Variants in SLC9B1 observed in about 807,000 individuals in gnomAD.
The protein encoded by SLC9B1 is solute carrier family 9 member B1.
SLC9B1 carries 32 observed loss-of-function variants against 51.7 expected under a neutral mutation model. The observed-to-expected ratio is 0.62, with a 90% CI of 0.47 to 0.83. The LOEUF (loss-of-function observed/expected upper bound fraction) is 0.83. Ranked by LOEUF, SLC9B1 falls within the 40% of genes least tolerant of loss-of-function variation. The pLI is 0.00. For synonymous variants in SLC9B1, 145 were observed against 212.7 expected, an observed-to-expected ratio of 0.68 and a Z score of 2.77; for missense variants, 406 against 613.2, an observed-to-expected ratio of 0.66 and a Z score of 3.57.
intron 11 of SLC9B1, chr4:102,892,562 A>C (rs1162108806): frequency 6.6e-6 from 1 of 152,210 alleles, no homozygotes; most frequent in African/African-American, 2.4e-5. Flanking sequence ...CCTTTGGTTT[A>C]AATGCTTGAT....
At chr4:102,886,274 G>A (rs1733909458) in intron 11 of SLC9B1, among the ~76,000 whole-genome samples, 1 of 151,992 alleles carries the variant, frequency 6.6e-6, no homozygotes, top group South Asian at 2.1e-4. Flanking sequence ...GGATCACCAG[G>A]TCAGGGGTTC....
intron 1 of SLC9B1, among the ~76,000 whole-genome samples, chr4:102,999,076 A>G (rs1030868311): frequency 2.0e-5 from 3 of 151,650 alleles, no homozygotes; most frequent in African/African-American, 7.3e-5. Flanking sequence ...CTGGTCTCAA[A>G]CTCCCAGCCT....
chr4:102,940,824 A>G (rs1055186350), intron 6 of SLC9B1, among the ~76,000 whole-genome samples: 1 of 152,152 alleles, frequency 6.6e-6, no homozygotes, highest in Non-Finnish European at 1.5e-5. Context: ...AAAGCCGCAC[A>G]CCTATAGCCA....
intron 5 of SLC9B1, among the ~76,000 whole-genome samples, chr4:102,945,969 C>A (rs1560944259): frequency 6.6e-6 from 1 of 151,814 alleles, no homozygotes; most frequent in Non-Finnish European, 1.5e-5. Context: ...TTGGATTTTA[C>A]AATAATGCAA....
intron 6 of SLC9B1, among the ~76,000 whole-genome samples, chr4:102,933,960 G>A (rs1482048667): frequency 1.4e-4 from 22 of 152,102 alleles, no homozygotes; most frequent in African/African-American, 4.8e-4. Flanking sequence ...TAGTAGATAC[G>A]GTGTTTCACC....
chr4:102,975,565 C>CATAT (rs749203965), intron 3 of SLC9B1, among the ~76,000 whole-genome samples: 108 of 99,580 alleles, frequency 1.1e-3, no homozygotes, highest in Admixed American at 1.3e-3. Context: ...ATTATATATA[C>CATAT]ATATATATAT....
intron 7 of SLC9B1, among the ~76,000 whole-genome samples, chr4:102,924,709 A>T (rs1736068151): frequency 6.6e-6 from 1 of 152,230 alleles, no homozygotes; most frequent in African/African-American, 2.4e-5. Flanking sequence ...ACAAATTTAT[A>T]TGAAAAAATC....
intron 3 of SLC9B1, among the ~76,000 whole-genome samples, chr4:102,951,430 A>G (rs1737548235): frequency 6.6e-6 from 1 of 152,188 alleles, no homozygotes; most frequent in African/African-American, 2.4e-5. Context: ...TGAAAACCTT[A>G]GCTAATAGAA....
At chr4:102,931,723 T>C (rs13118161) in intron 7 of SLC9B1, among the ~76,000 whole-genome samples, 4 of 152,164 alleles carry the variant, frequency 2.6e-5, no homozygotes, top group Admixed American at 1.3e-4. Context: ...TATGTTTAGG[T>C]TGTCTTATAA....
chr4:102,931,122 A>G (rs1342679401), intron 7 of SLC9B1, among the ~76,000 whole-genome samples: 1 of 151,772 alleles, frequency 6.6e-6, no homozygotes, highest in Non-Finnish European at 1.5e-5. Context: ...ACTACTTGGG[A>G]GGCTGAGGCA....
At position 102,989,921 on chromosome 4, in the gene SLC9B1, A is replaced by G; in HGVS notation, c.90T>C (p.Asn30=). ...CAGTTTTAGTTTCTTCCTGTGCAGT[A>G]TTATTAGGATCAATGAGACTCTGTA... The part of the protein sequence containing the change: ...TTPQSLIDPN[N]TAQEETKTVL... Residue 30 remains asparagine (N), a synonymous_variant, in exon 3 of 12, where the codon AAT becomes AAC. Coordinates refer to ENST00000296422, the MANE Select transcript of SLC9B1 (RefSeq NM_139173.4). The G allele has an allele frequency of 6.3e-7, 1 of 1,583,228 alleles. No homozygotes were observed. The highest frequency in any genetic ancestry group is 8.6e-7 in the Non-Finnish European group (1 of 1,158,884).
At chr4:102,998,770 C>G (rs1698694343) in intron 1 of SLC9B1, among the ~76,000 whole-genome samples, 1 of 152,100 alleles carries the variant, frequency 6.6e-6, no homozygotes, top group African/African-American at 2.4e-5. Flanking sequence ...TTCCACTTCC[C>G]TAATGATTAA....
intron 5 of SLC9B1, among the ~76,000 whole-genome samples, 199 bp from the exon 6 acceptor site, chr4:102,945,519 T>A (rs1479162513): frequency 2.0e-5 from 3 of 152,114 alleles, no homozygotes; most frequent in African/African-American, 7.2e-5. Context: ...AACAATTTCA[T>A]CTTTTTAAAA....
At chr4:102,995,805 A>G (rs1173024189) in intron 1 of SLC9B1, among the ~76,000 whole-genome samples, 2 of 152,210 alleles carry the variant, frequency 1.3e-5, no homozygotes, top group East Asian at 3.8e-4. Flanking sequence ...AAAAATATAT[A>G]ATAATGCTTA....
At chr4:102,893,293 A>AAAAAAG (rs1734356263) in intron 11 of SLC9B1, among the ~76,000 whole-genome samples, 2 of 149,880 alleles carry the variant, frequency 1.3e-5, no homozygotes, top group Non-Finnish European at 1.5e-5. Context: ...AAAAAAAAAA[A>AAAAAAG]AAAAAAAAAA....
intron 1 of SLC9B1, among the ~76,000 whole-genome samples, chr4:102,996,867 G>A (rs577117373): frequency 3.3e-5 from 5 of 151,804 alleles, no homozygotes; most frequent in African/African-American, 1.2e-4. Flanking sequence ...GCTCACTACA[G>A]CCTCAATCTC....
intron 1 of SLC9B1, among the ~76,000 whole-genome samples, chr4:103,002,185 G>A (rs1422823966): frequency 2.0e-5 from 3 of 152,120 alleles, no homozygotes; most frequent in Admixed American, 2.0e-4. Context: ...TTTGGGTGGG[G>A]ACACAGGCCC....
At chr4:102,898,059 C>A, downstream of SLC9B1, 1 of 460,616 alleles carries the variant, frequency 2.2e-6, no homozygotes, top group South Asian at 1.6e-5. Flanking sequence ...ATGCCCTAGT[C>A]GTGCTGGTAA....
intron 3 of SLC9B1, among the ~76,000 whole-genome samples, chr4:102,970,869 C>T (rs1560959662): frequency 6.6e-6 from 1 of 152,064 alleles, no homozygotes; most frequent in Non-Finnish European, 1.5e-5. Context: ...TTTAAACCAA[C>T]AAAGATCAAA....
Sources: allele counts gnomAD v4.1 joint callset (sites outside exome capture counted in the v4.1 genomes callset), GRCh38; gene constraint gnomAD v4.1.1; transcripts MANE v1.5; gene names NCBI Gene and HGNC (gene_info 2026-07-23, HGNC 2026-07-21).